C1orf87: variants seen among roughly 807,000 people sequenced by gnomAD.
The protein encoded by C1orf87 is chromosome 1 open reading frame 87.
Under a neutral mutation model 60.5 loss-of-function variants are expected in C1orf87, and 58 were observed. The observed-to-expected ratio is 0.96, with a 90% CI of 0.78 to 1.19. The LOEUF is 1.19. Ranked by LOEUF, C1orf87 falls within the 50% of genes most tolerant of loss-of-function variation. The probability of loss-of-function intolerance (pLI) is 0.00; values close to 1 mark genes in which losing one functional copy is unlikely to be tolerated. For missense variants in C1orf87, 673 were observed against 638.6 expected, an observed-to-expected ratio of 1.05 and a Z score of -0.58; for synonymous variants, 236 against 227.4, an observed-to-expected ratio of 1.04 and a Z score of -0.34.
Position 60,001,312 on chromosome 1 carries a change from G to C in C1orf87, c.1193-156C>G, listed in dbSNP as rs187758468. ...TTAGGTAATGGGAACACTCTGATGA[G>C]TGAGAAAAACCTGATTCCCACCCTG... On this transcript the variant is annotated intron_variant, in intron 9 of 11. Coordinates refer to ENST00000371201, the MANE Select transcript of C1orf87 (RefSeq NM_152377.3). 3.1e-3 allele frequency among the ~76,000 whole-genome samples: 474 copies of C among 152,208 alleles called. 3 individuals are homozygous for C. The highest frequency in any genetic ancestry group is 0.01 in the African/African-American group (429 of 41,560).
chr1:60,005,047 A>T (rs1431652304), intron 9 of C1orf87, among the ~76,000 whole-genome samples: 1 of 152,050 alleles, frequency 6.6e-6, no homozygotes, highest in Non-Finnish European at 1.5e-5. Flanking sequence ...AAGTAAAACC[A>T]GGATAGAGAA....
chr1:60,015,774 CAG>C (rs1645120588), intron 8 of C1orf87, among the ~76,000 whole-genome samples: 1 of 152,126 alleles, frequency 6.6e-6, no homozygotes, highest in South Asian at 2.1e-4. Context: ...TTTTGGCAGA[CAG>C]AGTCTCACTC....
chr1:59,997,584 G>A, intron 11 of C1orf87, 25 bp downstream of exon 11: 1 of 1,610,574 alleles, frequency 6.2e-7, no homozygotes, highest in Non-Finnish European at 8.5e-7. Flanking sequence ...AGAAACCTAT[G>A]CCAGCTTTAC....
chr1:60,061,131 G>A (rs1365802048), intron 2 of C1orf87, among the ~76,000 whole-genome samples: 1 of 152,108 alleles, frequency 6.6e-6, no homozygotes, highest in East Asian at 1.9e-4. Flanking sequence ...GGAACGAGGA[G>A]CAATCATTAT....
chr1:59,998,404 A>T (rs1415494087), intron 10 of C1orf87, among the ~76,000 whole-genome samples: 1 of 152,226 alleles, frequency 6.6e-6, no homozygotes, highest in Non-Finnish European at 1.5e-5. Context: ...AGCAGGGCAT[A>T]AAGGCTAGCT....
At chr1:60,039,889 C>T (rs1469056162) in intron 5 of C1orf87, 28 bp downstream of exon 5, 1 of 1,592,906 alleles carries the variant, frequency 6.3e-7, no homozygotes, top group Non-Finnish European at 8.5e-7. Context: ...AAAAGGAACC[C>T]ACACTTCCAA....
intron 8 of C1orf87, among the ~76,000 whole-genome samples, chr1:60,021,818 G>T (rs1454798725): frequency 6.6e-6 from 1 of 152,226 alleles, no homozygotes; most frequent in Non-Finnish European, 1.5e-5. Flanking sequence ...GAGACTAGCT[G>T]AAGGGGAACA....
chr1:60,017,833 G>A (rs1404176903), intron 8 of C1orf87, among the ~76,000 whole-genome samples: 1 of 151,992 alleles, frequency 6.6e-6, no homozygotes, highest in Non-Finnish European at 1.5e-5. Flanking sequence ...CTGCTAATTG[G>A]TAGGCAAATG....
At chr1:60,050,103 A>T (rs147784343) in intron 3 of C1orf87, among the ~76,000 whole-genome samples, 2 of 152,166 alleles carry the variant, frequency 1.3e-5, no homozygotes, top group South Asian at 2.1e-4. Flanking sequence ...CTTGTTTGTT[A>T]TTCCAAATTA....
Position 59,997,665 on chromosome 1 carries a change from A to C in C1orf87, c.1424T>G (p.Ile475Arg). The change falls in exon 11 of 12, where the codon ATA becomes AGA. Residue 475 changes from isoleucine to arginine, a missense_variant. Coordinates refer to ENST00000371201, the MANE Select transcript of C1orf87 (RefSeq NM_152377.3). ...KNKAEECETW[I>R]DRFRKLENAL... ...ATTTTCCAGCTTCCTGAACCTGTCT[A>C]TCCACGTCTCACATTCCTCAGCCTT... is the stretch of plus-strand genomic sequence containing the variant. 6.2e-7 allele frequency: 1 copy of C among 1,613,902 alleles called. No individual in the cohort carries two copies. The highest frequency in any genetic ancestry group is 8.5e-7 in the Non-Finnish European group (1 of 1,179,892).
chr1:60,024,006 T>C lies in C1orf87; in HGVS notation c.1127+1395A>G, dbSNP rs901849232. ...TTTTTTAATCTTCCTTATCTTTCAT[T>C]ATGTTCATGCCTTCTTGAACAGGAG... On this transcript the variant is annotated intron_variant, in intron 8 of 11. Transcript: ENST00000371201. Among the ~76,000 whole-genome samples, 3 of 152,210 alleles carry C rather than the reference T, an allele frequency of 2.0e-5. No homozygotes were observed. The East Asian group carries it at 5.8e-4, about 29-fold the overall frequency.
chr1:60,052,756 G>A (rs776386918), intron 3 of C1orf87, among the ~76,000 whole-genome samples: 4 of 152,190 alleles, frequency 2.6e-5, no homozygotes, highest in Non-Finnish European at 5.9e-5. Context: ...TGAGTGATAA[G>A]GATCTAGAAA....
intron 2 of C1orf87, among the ~76,000 whole-genome samples, chr1:60,063,698 C>A (rs1017314239): frequency 6.6e-6 from 1 of 152,162 alleles, no homozygotes; most frequent in African/African-American, 2.4e-5. Flanking sequence ...GATTTACTTT[C>A]TCTGTAGGTC....
rs146114950 is a variant in C1orf87, at chr1:59,997,804, C to T, written c.1285G>A (p.Glu429Lys). 21 of 1,613,346 alleles carry T rather than the reference C, an allele frequency of 1.3e-5. No homozygotes were observed. The African/African-American group carries it at 2.7e-4, about 20-fold the overall frequency. ...GGAGAGCTTTCTGGCTGCAGCTCCT[C>T]TTCTGGAGTTTTCTACCAAAACAAC... ...SKTEHMKTPEEELQPESSPAE... is the reference protein window; with the variant it reads ...SKTEHMKTPEKELQPESSPAE... The change falls in exon 11 of 12, where the codon GAG (glutamate) becomes AAG (lysine). Residue 429 changes from glutamate (E) to lysine (K), a missense_variant. Coordinates refer to ENST00000371201, the MANE Select transcript of C1orf87 (RefSeq NM_152377.3).
At chr1:60,034,954 A>C (rs148430002) in intron 6 of C1orf87, among the ~76,000 whole-genome samples, 1 of 151,564 alleles carries the variant, frequency 6.6e-6, no homozygotes, top group African/African-American at 2.4e-5. Context: ...TAGGACTCTC[A>C]CACAAGTTTT....
intron 8 of C1orf87, among the ~76,000 whole-genome samples, chr1:60,017,055 ATTTATTAGTTGTGTATTGGT>A (rs1411577832): frequency 6.6e-6 from 1 of 152,222 alleles, no homozygotes; most frequent in Non-Finnish European, 1.5e-5. Context: ...TGACGAATTC[ATTTATTAGTTGTGTATTGGT>A]TTTAGCCTCT....
Position 60,039,961 on chromosome 1 carries a change from T to C in C1orf87, c.703A>G (p.Lys235Glu). The C allele has an allele frequency of 6.2e-7, 1 of 1,614,118 alleles. No homozygotes were observed. Residue 235 changes from lysine to glutamate, a missense_variant, in exon 5 of 12, where the codon AAA becomes GAA. By Grantham distance (56) the Lys-to-Glu change is moderately conservative. Transcript: ENST00000371201. Reference sequence around the variant, plus strand: ...TTAGAAAATCTCTGACAAAGGATTTTAACTGTTGGTAACTGTAGAGGGACT... The same window carrying C: ...TTAGAAAATCTCTGACAAAGGATTTCAACTGTTGGTAACTGTAGAGGGACT... ...HEVPLQLPTV[K>E]ILCQRFSKRG...
At chr1:60,030,034 G>T (rs745836690) in intron 7 of C1orf87, among the ~76,000 whole-genome samples, 14 of 152,224 alleles carry the variant, frequency 9.2e-5, no homozygotes, top group Non-Finnish European at 1.6e-4. Context: ...GCACATTGGT[G>T]TTCCTTCTCT....
rs968887332 is a variant in C1orf87, at chr1:60,064,360, A to AAT, written c.107+8175_107+8176dup. 7.0e-5 allele frequency among the ~76,000 whole-genome samples: 10 copies of AAT among 141,854 alleles called. No homozygotes were observed. The East Asian group carries it at 9.9e-4, about 14-fold the overall frequency. The allele number at this position is 141,854 out of a possible 152,430, so 93.1% of individuals were successfully genotyped here. On this transcript the variant is annotated intron_variant, in intron 2 of 11. Coordinates refer to ENST00000371201, the MANE Select transcript of C1orf87 (RefSeq NM_152377.3). ...TATATATGTAATATATGTAATATAT[A>AAT]ATATATATATACACACACAATATCA...
Sources: gnomAD v4.1 joint callset for allele counts (sites outside exome capture counted in the v4.1 genomes callset) on GRCh38, gnomAD v4.1.1 for gene constraint, MANE v1.5 for transcripts, NCBI Gene and HGNC (gene_info 2026-07-23, HGNC 2026-07-21) for gene names.